Variants in A4GNT observed in about 807,000 individuals in gnomAD.
A4GNT encodes alpha-1,4-N-acetylglucosaminyltransferase.
Under a neutral mutation model 8.3 loss-of-function variants are expected in A4GNT, and 6 were observed. That is an observed-to-expected ratio of 0.72 (90% CI 0.39 to 1.42). The LOEUF is 1.42. Among genes scored for constraint, A4GNT ranks in the 40% most tolerant of loss-of-function variants. A4GNT has a pLI of 0.02. For missense variants in A4GNT, 377 were observed against 417.0 expected (o/e 0.90, Z 0.84); for synonymous variants, 157 against 159.8 (o/e 0.98, Z 0.13).
At chr3:138,128,434 G>A (rs1414411463) in intron 2 of A4GNT, among the ~76,000 whole-genome samples, 4 of 152,002 alleles carry the variant, frequency 2.6e-5, no homozygotes, top group East Asian at 3.9e-4. Context: ...AGGAGTAGGC[G>A]CATCACATGG....
chr3:138,124,174 C>T lies in A4GNT; in HGVS notation c.*90G>A. 6.6e-7 allele frequency: 1 copy of T among 1,507,878 alleles called. No individual in the cohort carries two copies. The highest frequency in any genetic ancestry group is 8.9e-7 in the Non-Finnish European group (1 of 1,124,134). The allele number at this position is 1,507,878 out of a possible 1,614,324, so 93.4% of individuals were successfully genotyped here. On this transcript the variant is annotated 3_prime_UTR_variant, in exon 3 of 3. Coordinates refer to ENST00000236709, the MANE Select transcript of A4GNT (RefSeq NM_016161.3). The stretch of plus-strand genomic sequence containing the variant: ...TTTGAGAGGCAACCCTCTGCCCACC[C>T]CGCCAAGAGACAGTGGAGATCAAGT...
chr3:138,125,389 G>A (rs1350775205), intron 2 of A4GNT, among the ~76,000 whole-genome samples: 1 of 152,084 alleles, frequency 6.6e-6, no homozygotes, highest in Non-Finnish European at 1.5e-5. Flanking sequence ...TATTATTAAA[G>A]GAATTAATTT....
intron 2 of A4GNT, among the ~76,000 whole-genome samples, chr3:138,128,800 G>A (rs935979888): frequency 6.6e-6 from 1 of 151,906 alleles, no homozygotes; most frequent in Non-Finnish European, 1.5e-5. Context: ...CTACCCCTCT[G>A]CCCGCCCTGC....
At chr3:138,125,259 A>C (rs2042738824) in intron 2 of A4GNT, among the ~76,000 whole-genome samples, 2 of 152,254 alleles carry the variant, frequency 1.3e-5, no homozygotes, top group Admixed American at 6.5e-5. Context: ...GTAGAGGAAG[A>C]ACCAAATAAA....
At chr3:138,128,451 C>G (rs1055037671) in intron 2 of A4GNT, among the ~76,000 whole-genome samples, 5 of 151,562 alleles carry the variant, frequency 3.3e-5, no homozygotes, top group African/African-American at 1.2e-4. Context: ...ATGGCGAGAG[C>G]AGGAGCAAGA....
At chr3:138,131,335 T>C in intron 1 of A4GNT, 53 bp from the exon 2 acceptor site, 1 of 1,355,522 alleles carries the variant, frequency 7.4e-7, no homozygotes. Flanking sequence ...CTGACAAAGA[T>C]AGCACACAAG....
chr3:138,129,907 G>T (rs1262223631), intron 2 of A4GNT, among the ~76,000 whole-genome samples: 1 of 152,140 alleles, frequency 6.6e-6, no homozygotes, highest in Non-Finnish European at 1.5e-5. Context: ...TGAGACTACA[G>T]GTGCATGCCA....
At chr3:138,130,754 A>AT (rs1244723076) in intron 2 of A4GNT, 95 bp downstream of exon 2, 1 of 1,381,630 alleles carries the variant, frequency 7.2e-7, no homozygotes, top group African/African-American at 1.5e-5. Flanking sequence ...GTCAACCCAA[A>AT]TGTGGGTTCT....
intron 2 of A4GNT, among the ~76,000 whole-genome samples, chr3:138,127,806 G>T (rs1458904992): frequency 6.6e-6 from 1 of 152,164 alleles, no homozygotes; most frequent in Non-Finnish European, 1.5e-5. Flanking sequence ...CAGCTATCCT[G>T]TGGTGGCCTA....
At chr3:138,125,743 C>T (rs1435079985) in intron 2 of A4GNT, among the ~76,000 whole-genome samples, 2 of 152,178 alleles carry the variant, frequency 1.3e-5, no homozygotes, top group African/African-American at 4.8e-5. Flanking sequence ...TAACCACAGA[C>T]CTCCCTTCCT....
At chr3:138,131,428 A>T (rs79041434) in intron 1 of A4GNT, 146 bp from the exon 2 acceptor site, 7 of 475,752 alleles carry the variant, frequency 1.5e-5, no homozygotes, top group African/African-American at 1.1e-4. Context: ...CAGCAATATT[A>T]AAAAAAAAAT....
upstream of A4GNT, chr3:138,132,512 C>T (rs993137027): frequency 1.3e-5 from 2 of 152,150 alleles, no homozygotes; most frequent in African/African-American, 4.8e-5. Flanking sequence ...AAGCTCCTCC[C>T]TTTACTAAGT....
At chr3:138,127,140 A>AC (rs2107885629) in intron 2 of A4GNT, among the ~76,000 whole-genome samples, 1 of 151,180 alleles carries the variant, frequency 6.6e-6, no homozygotes, top group African/African-American at 2.4e-5. Context: ...AAAAAAAAAA[A>AC]CAATAATTGT....
chr3:138,130,803 C>G (rs969701657), intron 2 of A4GNT, 46 bp downstream of exon 2: 2 of 1,577,838 alleles, frequency 1.3e-6, no homozygotes, highest in African/African-American at 2.7e-5. Flanking sequence ...CTCAGTTTAC[C>G]CATATATACA....
At chr3:138,125,180 A>G (rs1207633366) in intron 2 of A4GNT, among the ~76,000 whole-genome samples, 2 of 152,220 alleles carry the variant, frequency 1.3e-5, no homozygotes, top group East Asian at 3.8e-4. Context: ...GAAATCCAGA[A>G]AAGATTTCAC....
At chr3:138,126,676 A>C (rs995966877) in intron 2 of A4GNT, among the ~76,000 whole-genome samples, 1 of 149,154 alleles carries the variant, frequency 6.7e-6, no homozygotes, top group Non-Finnish European at 1.5e-5. Context: ...AAATACAAAA[A>C]TTAGCCAGGC....
At chr3:138,131,539 A>G (rs1185137368) in intron 1 of A4GNT, among the ~76,000 whole-genome samples, 1 of 152,100 alleles carries the variant, frequency 6.6e-6, no homozygotes, top group Non-Finnish European at 1.5e-5. Flanking sequence ...CTTGGGCAGC[A>G]TAGTGAAAAT....
At position 138,124,310 on chromosome 3, in the gene A4GNT, C is replaced by T. The variant is rs769568570; in HGVS notation, c.977G>A (p.Gly326Asp). ...CTCCCCAGTCACTGACCCCTCTGGGCCTTTAATCAGGTCCCTGTAAGTCCT... is the reference window on the plus strand; with the variant it reads ...CTCCCCAGTCACTGACCCCTCTGGGTCTTTAATCAGGTCCCTGTAAGTCCT... ...CPRTYRDLIK[G>D]PEGSVTGELG... The change falls in exon 3 of 3, where the codon GGC becomes GAC. Residue 326 changes from glycine to aspartate, a missense_variant. Gly to Asp is a moderately conservative substitution (Grantham distance 94). Transcript: ENST00000236709. The T allele has an allele frequency of 2.5e-6, 4 of 1,614,174 alleles. No homozygotes were observed. In the South Asian group the frequency reaches 4.4e-5, roughly 18 times the overall value.
At position 138,124,713 on chromosome 3, in the gene A4GNT, T is replaced by C. The variant is rs2042734955; in HGVS notation, c.574A>G (p.Asn192Asp). 6.2e-7 allele frequency: 1 copy of C among 1,614,210 alleles called. No individual in the cohort carries two copies. The highest frequency in any genetic ancestry group is 8.5e-7 in the Non-Finnish European group (1 of 1,180,038). ...TGGGGGAGGAACCCAAATATTCCAT[T>C]ACTAGAGTACCGAGAAGCCTGCGCA... is the stretch of plus-strand genomic sequence containing the variant. ...LAAQASRYSS[N>D]GIFGFLPHHP... The change falls in exon 3 of 3, where the codon AAT becomes GAT. Residue 192 changes from asparagine (N) to aspartate (D), a missense_variant. By Grantham distance (23) the Asn-to-Asp change is conservative. Coordinates refer to ENST00000236709, the MANE Select transcript of A4GNT (RefSeq NM_016161.3).
Sources: allele counts gnomAD v4.1 joint callset (sites outside exome capture counted in the v4.1 genomes callset), GRCh38; gene constraint gnomAD v4.1.1; transcripts MANE v1.5; gene names NCBI Gene and HGNC (gene_info 2026-07-23, HGNC 2026-07-21).